The following PALD1 variants were observed in gnomAD, a reference collection of about 807,000 sequenced individuals.
PALD1 encodes the protein paladin.
Under a neutral mutation model 96.0 loss-of-function variants are expected in PALD1, and 57 were observed. The observed-to-expected ratio is 0.59, with a 90% CI of 0.48 to 0.74. The LOEUF (loss-of-function observed/expected upper bound fraction) is 0.74, where lower values mean the gene tolerates loss of function less well. PALD1 is among the 30% of genes least tolerant of loss of function. The pLI, the probability that PALD1 is intolerant of heterozygous loss-of-function variation, is 0.00. For synonymous variants in PALD1, 464 were observed against 473.6 expected (o/e 0.98, Z 0.26); for missense variants, 1,063 against 1,143.7 (o/e 0.93, Z 1.02).
At chr10:70,528,103 C>T (rs551019675) in intron 2 of PALD1, among the ~76,000 whole-genome samples, 6 of 152,136 alleles carry the variant, frequency 3.9e-5, no homozygotes, top group South Asian at 2.1e-4. Flanking sequence ...CTACAAAGGA[C>T]GTGAATTCAT....
intron 1 of PALD1, among the ~76,000 whole-genome samples, chr10:70,493,394 C>T (rs1009306852): frequency 9.2e-5 from 14 of 152,246 alleles, no homozygotes; most frequent in Non-Finnish European, 1.5e-4. Flanking sequence ...CTGGGCTCTG[C>T]GGACAGTGAT....
rs776715074 is a variant in PALD1, at chr10:70,525,907, C to G, written c.-29-16C>G. Reference sequence around the variant, plus strand: ...TTCCCATCCCCTCCTTCACTGCACACCCTCTTATCCTACAGGTCTGGGGTC... The same window carrying G: ...TTCCCATCCCCTCCTTCACTGCACAGCCTCTTATCCTACAGGTCTGGGGTC... On this transcript the variant is annotated splice_polypyrimidine_tract_variant and intron_variant, in intron 1 of 19. Coordinates refer to ENST00000263563, the MANE Select transcript of PALD1 (RefSeq NM_014431.3). The G allele has an allele frequency of 1.5e-5, 24 of 1,605,880 alleles. No individual in the cohort carries two copies. In the Admixed American group the frequency reaches 4.0e-4, roughly 27 times the overall value.
intron 8 of PALD1, 22 bp downstream of exon 8, chr10:70,534,095 G>A (rs1407996983): frequency 1.8e-5 from 28 of 1,561,450 alleles, no homozygotes; most frequent in East Asian, 1.2e-4. Flanking sequence ...GGGGCCCAGC[G>A]TCCTGAAGGG....
At chr10:70,541,927 A>G (rs1002344432) in intron 17 of PALD1, among the ~76,000 whole-genome samples, 3 of 152,072 alleles carry the variant, frequency 2.0e-5, no homozygotes, top group Non-Finnish European at 4.4e-5. Flanking sequence ...CTGTTCCTCT[A>G]TTTCAGATTA....
intron 18 of PALD1, among the ~76,000 whole-genome samples, chr10:70,557,346 G>A (rs954779988): frequency 1.3e-5 from 2 of 152,044 alleles, no homozygotes; most frequent in Non-Finnish European, 2.9e-5. Flanking sequence ...GGCTACATGC[G>A]GACACAGTGG....
upstream of PALD1, among the ~76,000 whole-genome samples, chr10:70,474,285 G>T (rs556828276): frequency 6.6e-6 from 1 of 152,298 alleles, no homozygotes; most frequent in South Asian, 2.1e-4. Flanking sequence ...AGAGGGCCGG[G>T]CGTGGTGGCT....
intron 1 of PALD1, among the ~76,000 whole-genome samples, chr10:70,507,596 A>C (rs1028006839): frequency 6.6e-6 from 1 of 152,038 alleles, no homozygotes; most frequent in East Asian, 1.9e-4. Context: ...TAATTTTTGT[A>C]CTTTTAGTAG....
chr10:70,547,666 G>C (rs1564707386), intron 18 of PALD1, among the ~76,000 whole-genome samples: 1 of 152,186 alleles, frequency 6.6e-6, no homozygotes, highest in South Asian at 2.1e-4. Context: ...TGGAGTGGTA[G>C]GGGAGATGCA....
Position 70,547,397 on chromosome 10 carries a change from C to T in PALD1, c.2213C>T (p.Thr738Met), listed in dbSNP as rs898119687. The change falls in exon 18 of 20, where the codon ACG becomes ATG. Residue 738 changes from threonine (T) to methionine (M), a missense_variant. By Grantham distance (81) the Thr-to-Met change is moderately conservative (BLOSUM62 -1). Coordinates refer to ENST00000263563, the MANE Select transcript of PALD1 (RefSeq NM_014431.3). Reference sequence around the variant, plus strand: ...CTGGACACTGTCAGCGAGACCATGACGCCCATGCACTACCACCTGCGGGAG... The same window carrying T: ...CTGGACACTGTCAGCGAGACCATGATGCCCATGCACTACCACCTGCGGGAG... ...AALDTVSETMTPMHYHLREII... is the reference protein window; with the variant it reads ...AALDTVSETMMPMHYHLREII... 11 of 1,612,898 alleles carry T rather than the reference C, an allele frequency of 6.8e-6. No homozygotes were observed. The African/African-American group carries it at 8.0e-5, about 12-fold the overall frequency.
In PALD1 at chr10:70,537,899, A is replaced by G. The variant is rs745617859; in HGVS notation, c.1316A>G (p.His439Arg). The G allele has an allele frequency of 1.2e-6, 2 of 1,607,296 alleles. No homozygotes were observed. Among genetic ancestry groups the G allele is most frequent in the South Asian group, 2.2e-5 (2 of 90,940 alleles). The stretch of plus-strand genomic sequence containing the variant: ...CTGATCCTGTTTAACTACTACCTTC[A>G]TGAGCAGGTGGGGCCTGGGAGGAGC... ...FYLILFNYYL[H>R]EQYPLAFALS... The change falls in exon 11 of 20, where the codon CAT becomes CGT. Residue 439 changes from histidine (H) to arginine (R), a missense_variant. By Grantham distance (29) the His-to-Arg change is conservative. Transcript: ENST00000263563.
chr10:70,534,649 CTCTCTTT>C (rs923860274), intron 9 of PALD1, 83 bp from the exon 10 acceptor site: 40 of 1,179,164 alleles, frequency 3.4e-5, no homozygotes, highest in Middle Eastern at 2.0e-4. Context: ...TTTTCTTTCC[CTCTCTTT>C]TCTCTTTTCT....
chr10:70,542,052 C>T (rs1048249076), intron 17 of PALD1, among the ~76,000 whole-genome samples: 2 of 152,172 alleles, frequency 1.3e-5, no homozygotes, highest in African/African-American at 4.8e-5. Context: ...CAACGTCCCT[C>T]GGAGTTGGCC....
At chr10:70,497,541 G>T (rs1846216258) in intron 1 of PALD1, among the ~76,000 whole-genome samples, 1 of 151,688 alleles carries the variant, frequency 6.6e-6, no homozygotes, top group Non-Finnish European at 1.5e-5. Context: ...GCTGGAGATA[G>T]AAATGAATAT....
At chr10:70,503,148 G>A (rs1417589524) in intron 1 of PALD1, among the ~76,000 whole-genome samples, 1 of 152,078 alleles carries the variant, frequency 6.6e-6, no homozygotes, top group African/African-American at 2.4e-5. Flanking sequence ...CCAAAGTGCT[G>A]GGATTATAGG....
At chr10:70,535,786 G>A (rs1379600969) in intron 10 of PALD1, among the ~76,000 whole-genome samples, 1 of 151,300 alleles carries the variant, frequency 6.6e-6, no homozygotes, top group African/African-American at 2.4e-5. Context: ...CTGCAACCTC[G>A]AACTCCTAGA....
chr10:70,546,249 A>G (rs1214220770), intron 17 of PALD1, among the ~76,000 whole-genome samples: 1 of 152,188 alleles, frequency 6.6e-6, no homozygotes, highest in African/African-American at 2.4e-5. Flanking sequence ...GCAAAACAAA[A>G]CAAAACAAAA....
intron 18 of PALD1, among the ~76,000 whole-genome samples, chr10:70,554,512 G>C (rs1014271422): frequency 6.6e-6 from 1 of 152,174 alleles, no homozygotes; most frequent in Non-Finnish European, 1.5e-5. Context: ...CAGCGCTTTG[G>C]ACGGAAGTTA....
chr10:70,459,100 C>T, the PALD1 span, among the ~76,000 whole-genome samples: 1 of 152,148 alleles, frequency 6.6e-6, no homozygotes, highest in African/African-American at 2.4e-5. Flanking sequence ...CACCCCACCC[C>T]ACTCCAAGCC....
At chr10:70,475,390 G>A (rs1306276011), upstream of PALD1, among the ~76,000 whole-genome samples, 1 of 152,186 alleles carries the variant, frequency 6.6e-6, no homozygotes. Context: ...CTGAGGCTCA[G>A]AGACCACTGG....
Sources: gnomAD v4.1 joint callset for allele counts (sites outside exome capture counted in the v4.1 genomes callset) on GRCh38, gnomAD v4.1.1 for gene constraint, MANE v1.5 for transcripts, NCBI Gene and HGNC (gene_info 2026-07-23, HGNC 2026-07-21) for gene names.